The following GALNT18 variants were observed in gnomAD, a reference collection of about 807,000 sequenced individuals.
GALNT18 encodes polypeptide N-acetylgalactosaminyltransferase 18, also known as GalNAc-transferase 18.
In GALNT18, 44 loss-of-function variants were observed where a neutral mutation model predicts 69.5. The observed-to-expected ratio is 0.63, with a 90% CI of 0.50 to 0.81. GALNT18 has a LOEUF of 0.81. GALNT18 is among the 40% of genes least tolerant of loss of function. The pLI is 0.00. For synonymous variants in GALNT18, 364 were observed against 318.2 expected (o/e 1.14, Z -1.53); for missense variants, 715 against 810.0 (o/e 0.88, Z 1.42).
intron 1 of GALNT18, chr11:11,476,548 T>G (rs1171361599): frequency 1.3e-5 from 2 of 152,202 alleles, no homozygotes; most frequent in Non-Finnish European, 2.9e-5. Context: ...TGCCCAGCAC[T>G]CTTGTTCTGC....
At chr11:11,325,902 T>C (rs1849908919) in intron 9 of GALNT18, among the ~76,000 whole-genome samples, 1 of 152,152 alleles carries the variant, frequency 6.6e-6, no homozygotes. Flanking sequence ...GGACAATCCC[T>C]GGGAAGGCTC....
At chr11:11,445,760 G>C (rs557140126) in intron 2 of GALNT18, among the ~76,000 whole-genome samples, 26 of 152,162 alleles carry the variant, frequency 1.7e-4, no homozygotes, top group Non-Finnish European at 2.8e-4. Flanking sequence ...CTGTTTTTCT[G>C]TCTGGAAAAA....
chr11:11,621,229 G>A lies in GALNT18; in HGVS notation c.235+130C>T. On this transcript the variant is annotated intron_variant, in intron 1 of 10. Coordinates refer to ENST00000227756, the MANE Select transcript of GALNT18 (RefSeq NM_198516.3). The surrounding 1 kb of genome is among the most constrained non-coding windows in gnomAD (Gnocchi z 9.3). The stretch of plus-strand genomic sequence containing the variant: ...GCAGGAGCTCACACGCAGGCCCCAC[G>A]ACTACCACGCATCTGCGGCCCCAGA... The A allele has an allele frequency of 1.4e-6, 1 of 712,214 alleles. No homozygotes were observed. Among genetic ancestry groups the A allele is most frequent in the Non-Finnish European group, 2.4e-6 (1 of 421,124 alleles). The allele number at this position is 712,214 out of a possible 1,614,324, so 44.1% of individuals were successfully genotyped here. A position where few individuals can be genotyped will look rare whatever the true frequency, so the allele number is the denominator to read the frequency against.
intron 10 of GALNT18, among the ~76,000 whole-genome samples, chr11:11,284,616 T>A (rs72859272): frequency 3.7e-4 from 56 of 152,368 alleles, no homozygotes; most frequent in African/African-American, 1.1e-3. Context: ...GTGTGTGTAC[T>A]AGCTCGTGTA....
At chr11:11,612,638 C>T (rs1200211168) in intron 1 of GALNT18, among the ~76,000 whole-genome samples, 1 of 152,212 alleles carries the variant, frequency 6.6e-6, no homozygotes, top group Non-Finnish European at 1.5e-5. Context: ...GAGATGGATG[C>T]ACAAGTCAGA....
Position 11,340,719 on chromosome 11 carries a change from G to T in GALNT18, c.1278+100C>A. 2 of 1,132,832 alleles carry T rather than the reference G, an allele frequency of 1.8e-6. No homozygotes were observed. The highest frequency in any genetic ancestry group is 2.5e-6 in the Non-Finnish European group (2 of 794,804). The allele number at this position is 1,132,832 out of a possible 1,614,324, so 70.2% of individuals were successfully genotyped here. A position where few individuals can be genotyped will look rare whatever the true frequency, so the allele number is the denominator to read the frequency against. On this transcript the variant is annotated intron_variant, in intron 7 of 10. Transcript: ENST00000227756. The surrounding 1 kb of genome is among the most constrained non-coding windows in gnomAD (Gnocchi z 4.2). ...GAGTCCATTCTTGCATGGCAAACAG[G>T]ACTCTGGCTGACCCATAGGAAGAAG...
At chr11:11,324,351 G>A (rs1263836036) in intron 9 of GALNT18, among the ~76,000 whole-genome samples, 1 of 152,154 alleles carries the variant, frequency 6.6e-6, no homozygotes, top group African/African-American at 2.4e-5. Flanking sequence ...ACATGATCAA[G>A]GTTGTTCATA....
At chr11:11,395,719 A>G (rs1339283092) in intron 3 of GALNT18, among the ~76,000 whole-genome samples, 1 of 152,200 alleles carries the variant, frequency 6.6e-6, no homozygotes, top group Admixed American at 6.5e-5. Flanking sequence ...AAGGAGGCCC[A>G]TTGGGAGAAA....
At chr11:11,548,391 C>T (rs892665246) in intron 1 of GALNT18, among the ~76,000 whole-genome samples, 1 of 152,178 alleles carries the variant, frequency 6.6e-6, no homozygotes, top group African/African-American at 2.4e-5. Flanking sequence ...AACATCTTTC[C>T]AACACCCATT....
intron 3 of GALNT18, among the ~76,000 whole-genome samples, chr11:11,401,123 G>A (rs1434605085): frequency 1.3e-5 from 2 of 152,054 alleles, no homozygotes; most frequent in African/African-American, 2.4e-5. Context: ...CTCTCAAAGG[G>A]TCTCCATCTG....
At chr11:11,534,359 G>A (rs183792045) in intron 1 of GALNT18, among the ~76,000 whole-genome samples, 12 of 152,330 alleles carry the variant, frequency 7.9e-5, no homozygotes, top group Admixed American at 2.0e-4. Flanking sequence ...TAATATGAAA[G>A]GAGAATGAGC....
At position 11,406,034 on chromosome 11, in the gene GALNT18, G is replaced by T. The variant is rs189333462; in HGVS notation, c.595+26587C>A. On this transcript the variant is annotated intron_variant, in intron 3 of 10. Coordinates refer to ENST00000227756, the MANE Select transcript of GALNT18 (RefSeq NM_198516.3). ...GGAGGTTCATAGCAGAGAGATCGGA[G>T]AGTCCCAAACAGCTACATGAGGATA... is the stretch of plus-strand genomic sequence containing the variant. Among the ~76,000 whole-genome samples the T allele has an allele frequency of 1.2e-3, 187 of 152,340 alleles. 1 individual carries two copies. Among genetic ancestry groups the T allele is most frequent in the Non-Finnish European group, 2.4e-3 (165 of 68,026 alleles).
Position 11,480,597 on chromosome 11 carries a change from A to G in GALNT18, c.236-31661T>C, listed in dbSNP as rs898446966. Among the ~76,000 whole-genome samples the G allele has an allele frequency of 2.6e-5, 4 of 152,128 alleles. No homozygotes were observed. The highest frequency in any genetic ancestry group is 2.6e-4 in the Admixed American group (4 of 15,282). On this transcript the variant is annotated intron_variant, in intron 1 of 10. Transcript: ENST00000227756. The surrounding 1 kb of genome is among the most constrained non-coding windows in gnomAD (Gnocchi z 4.6). ...TCTCTGGTCACCACCTGGTCCCAGT[A>G]CTGGTTTTGAGATCTGATTCTGTAA...
Position 11,413,705 on chromosome 11 carries a change from GC to G in GALNT18, c.595+18915del, listed in dbSNP as rs1374136018. Among the ~76,000 whole-genome samples the G allele has an allele frequency of 6.6e-6, 1 of 152,160 alleles. No individual in the cohort carries two copies. Among genetic ancestry groups the G allele is most frequent in the Non-Finnish European group, 1.5e-5 (1 of 68,028 alleles). On this transcript the variant is annotated intron_variant, in intron 3 of 10. Coordinates refer to ENST00000227756, the MANE Select transcript of GALNT18 (RefSeq NM_198516.3). The surrounding 1 kb of genome is among the most constrained non-coding windows in gnomAD (Gnocchi z 4.7). ...GAAGTTGACTACTCCAGGGGTCCAGGCCCTGGTTCTTTGAAGCCTTGCTGTG... is the reference window on the plus strand; with the variant it reads ...GAAGTTGACTACTCCAGGGGTCCAGGCCTGGTTCTTTGAAGCCTTGCTGTG...
At chr11:11,453,916 A>C (rs1368124577) in intron 1 of GALNT18, among the ~76,000 whole-genome samples, 1 of 152,138 alleles carries the variant, frequency 6.6e-6, no homozygotes, top group Non-Finnish European at 1.5e-5. Flanking sequence ...GTCTCCATTC[A>C]TTTTGCTTGT....
chr11:11,555,473 G>A lies in GALNT18; in HGVS notation c.235+65886C>T, dbSNP rs530363786. On this transcript the variant is annotated intron_variant, in intron 1 of 10. Coordinates refer to ENST00000227756, the MANE Select transcript of GALNT18 (RefSeq NM_198516.3). The surrounding 1 kb of genome is among the most constrained non-coding windows in gnomAD (Gnocchi z 4.7). ...GTGCAGCTTAAAACACAGGTCTGGC[G>A]TGAGTCTCCTGTGACAAAGCTCTCC... Among the ~76,000 whole-genome samples, 41 of 152,324 alleles carry A rather than the reference G, an allele frequency of 2.7e-4. No individual in the cohort carries two copies. Among genetic ancestry groups the A allele is most frequent in the African/African-American group, 8.4e-4 (35 of 41,570 alleles).
intron 9 of GALNT18, among the ~76,000 whole-genome samples, chr11:11,297,841 C>T (rs1380738110): frequency 6.6e-6 from 1 of 152,206 alleles, no homozygotes; most frequent in African/African-American, 2.4e-5. Flanking sequence ...CACAGCTCAG[C>T]AGGGCTGCAA....
chr11:11,524,489 T>G (rs1448949220), intron 1 of GALNT18, among the ~76,000 whole-genome samples: 2 of 152,210 alleles, frequency 1.3e-5, no homozygotes, highest in Admixed American at 6.5e-5. Context: ...TGATATAAAC[T>G]AGGCCCTAGC....
At chr11:11,367,266 A>AGGTCATCCTGGAGGATGAGAT (rs1370626945) in intron 6 of GALNT18, among the ~76,000 whole-genome samples, 1 of 152,206 alleles carries the variant, frequency 6.6e-6, no homozygotes, top group East Asian at 1.9e-4. Context: ...AGATAGTAAA[A>AGGTCATCCTGGAGGATGAGAT]GGTCATCCTG....
Sources: allele counts gnomAD v4.1 joint callset (sites outside exome capture counted in the v4.1 genomes callset), GRCh38; gene constraint gnomAD v4.1.1; non-coding constraint Gnocchi (gnomAD v3.1); transcripts MANE v1.5; gene names NCBI Gene and HGNC (gene_info 2026-07-23, HGNC 2026-07-21).